Variants in LRMDA observed in about 807,000 individuals in gnomAD.
The protein encoded by LRMDA is leucine-rich melanocyte differentiation-associated protein.
Under a neutral mutation model 29.8 loss-of-function variants are expected in LRMDA, and 18 were observed. The observed-to-expected ratio is 0.60, with a 90% CI of 0.42 to 0.90. The LOEUF (loss-of-function observed/expected upper bound fraction) is 0.90. Ranked by LOEUF, LRMDA falls within the 40% of genes least tolerant of loss-of-function variation. The pLI is 0.00. For missense variants in LRMDA, 273 were observed against 273.9 expected (o/e 1.00, Z 0.02); for synonymous variants, 125 against 109.4 (o/e 1.14, Z -0.89).
At chr10:75,506,211 T>C (rs1372336633) in intron 2 of LRMDA, among the ~76,000 whole-genome samples, 2 of 152,106 alleles carry the variant, frequency 1.3e-5, no homozygotes, top group African/African-American at 4.8e-5. Context: ...AAACATAGAC[T>C]CTCAGGATAA....
At chr10:76,310,717 T>G (rs1349820465) in intron 5 of LRMDA, among the ~76,000 whole-genome samples, 1 of 152,200 alleles carries the variant, frequency 6.6e-6, no homozygotes, top group Non-Finnish European at 1.5e-5. Context: ...TAAGGCCATA[T>G]TTTTGGTTAA....
At chr10:75,685,483 G>A (rs543531545) in intron 2 of LRMDA, among the ~76,000 whole-genome samples, 11 of 152,256 alleles carry the variant, frequency 7.2e-5, no homozygotes, top group Non-Finnish European at 1.3e-4. Flanking sequence ...AAAGAGAGAG[G>A]GCCAAGCTGA....
intron 6 of LRMDA, among the ~76,000 whole-genome samples, chr10:76,431,619 G>T (rs891078932): frequency 6.6e-6 from 1 of 152,134 alleles, no homozygotes; most frequent in Admixed American, 6.5e-5. Flanking sequence ...AATCAGTGCT[G>T]CCTGTTGTTA....
intron 6 of LRMDA, among the ~76,000 whole-genome samples, chr10:76,513,573 GCTT>G (rs1843030141): frequency 1.3e-5 from 2 of 152,156 alleles, no homozygotes; most frequent in South Asian, 2.1e-4. Flanking sequence ...TAGGGTACTG[GCTT>G]AAGTAGAGTT....
At chr10:76,162,141 G>A (rs1198105999) in intron 5 of LRMDA, among the ~76,000 whole-genome samples, 1 of 152,138 alleles carries the variant, frequency 6.6e-6, no homozygotes, top group African/African-American at 2.4e-5. Context: ...TTTTGTTAAG[G>A]TACTTCGTGC....
chr10:76,074,551 C>A (rs188805588), intron 5 of LRMDA, among the ~76,000 whole-genome samples: 2 of 152,146 alleles, frequency 1.3e-5, no homozygotes, highest in Non-Finnish European at 2.9e-5. Context: ...CTTCCACCCC[C>A]CTCCCAGTTA....
intron 1 of LRMDA, among the ~76,000 whole-genome samples, chr10:75,433,819 AG>A (rs1342496779): frequency 1.3e-5 from 2 of 152,182 alleles, no homozygotes; most frequent in Non-Finnish European, 2.9e-5. Flanking sequence ...TCCCAAATAA[AG>A]GGATGGTTTA....
chr10:76,003,205 T>C (rs546421247), intron 2 of LRMDA, among the ~76,000 whole-genome samples: 1 of 152,278 alleles, frequency 6.6e-6, no homozygotes, highest in South Asian at 2.1e-4. Context: ...ATGGCAACCC[T>C]CTTTCCTGAG....
chr10:76,201,031 C>T (rs984780652), intron 5 of LRMDA, among the ~76,000 whole-genome samples: 19 of 147,870 alleles, frequency 1.3e-4, no homozygotes, highest in African/African-American at 3.2e-4. Flanking sequence ...TTTTTTATTT[C>T]GTAACGCTTA....
At chr10:75,786,792 G>C (rs573296964) in intron 2 of LRMDA, among the ~76,000 whole-genome samples, 1 of 152,126 alleles carries the variant, frequency 6.6e-6, no homozygotes, top group Non-Finnish European at 1.5e-5. Context: ...TTAGGTTACA[G>C]CATCTTTAAG....
chr10:76,285,065 T>C (rs1840254912), intron 5 of LRMDA, among the ~76,000 whole-genome samples: 1 of 152,338 alleles, frequency 6.6e-6, no homozygotes, highest in Admixed American at 6.5e-5. Context: ...TCCCCTCTTT[T>C]GTAGCCATAA....
chr10:76,327,323 C>G (rs1260788200), intron 6 of LRMDA, among the ~76,000 whole-genome samples: 1 of 152,076 alleles, frequency 6.6e-6, no homozygotes. Context: ...GAACTCCTGA[C>G]CTTGTGATTC....
intron 2 of LRMDA, among the ~76,000 whole-genome samples, chr10:75,538,619 T>C (rs1839980884): frequency 6.6e-6 from 1 of 152,096 alleles, no homozygotes; most frequent in Non-Finnish European, 1.5e-5. Context: ...GTTTGTTTGT[T>C]TGTTTGTTTG....
chr10:75,691,097 TAGATATATAGATCTATATATCTATATAC>T (rs1564541051), intron 2 of LRMDA, among the ~76,000 whole-genome samples: 4 of 83,164 alleles, frequency 4.8e-5, no homozygotes, highest in Admixed American at 2.0e-4. Context: ...TCTATGTACA[TAGATATATAGATCTATATATCTATATAC>T]ATAGATATAT....
At chr10:76,380,974 A>T (rs1290201228) in intron 6 of LRMDA, among the ~76,000 whole-genome samples, 1 of 151,044 alleles carries the variant, frequency 6.6e-6, no homozygotes, top group Non-Finnish European at 1.5e-5. Context: ...TTAAAATACT[A>T]ATGTATGTAT....
chr10:75,861,641 A>C (rs1844932099), intron 2 of LRMDA, among the ~76,000 whole-genome samples: 1 of 152,276 alleles, frequency 6.6e-6, no homozygotes, highest in South Asian at 2.1e-4. Context: ...AGAACAAGAA[A>C]AAAAAAGATA....
chr10:76,441,790 G>A (rs1003312146), intron 6 of LRMDA, among the ~76,000 whole-genome samples: 1 of 152,082 alleles, frequency 6.6e-6, no homozygotes, highest in African/African-American at 2.4e-5. Flanking sequence ...CCTAGCCTGA[G>A]GAAGATTTCC....
chr10:76,399,690 C>T (rs1841827674), intron 6 of LRMDA, among the ~76,000 whole-genome samples: 1 of 152,228 alleles, frequency 6.6e-6, no homozygotes, highest in African/African-American at 2.4e-5. Context: ...TTCTCTCTTT[C>T]TCTTAACTGC....
intron 2 of LRMDA, among the ~76,000 whole-genome samples, chr10:75,510,600 G>A (rs2132031741): frequency 6.6e-6 from 1 of 152,278 alleles, no homozygotes; most frequent in Non-Finnish European, 1.5e-5. Flanking sequence ...ATTGAGATTT[G>A]GATAGATGAA....
Sources: allele counts gnomAD v4.1 joint callset (sites outside exome capture counted in the v4.1 genomes callset), GRCh38; gene constraint gnomAD v4.1.1; transcripts MANE v1.5; gene names NCBI Gene and HGNC (gene_info 2026-07-23, HGNC 2026-07-21).